Variants in ACSS3 observed in about 807,000 individuals in gnomAD.
The protein encoded by ACSS3 is acyl-CoA synthetase short chain family member 3, also known as acyl-CoA synthetase short-chain family member 3, mitochondrial.
A neutral mutation model predicts 84.2 loss-of-function variants in ACSS3; 64 were observed. The ratio of observed to expected loss-of-function variants is 0.76; its 90% CI spans 0.62 to 0.94. The LOEUF (loss-of-function observed/expected upper bound fraction) is 0.94, where lower values mean the gene tolerates loss of function less well. ACSS3 is among the 40% of genes least tolerant of loss of function. ACSS3 has a pLI of 0.00. For missense variants in ACSS3, 815 were observed against 867.6 expected (o/e 0.94, Z 0.76); for synonymous variants, 317 against 310.1 (o/e 1.02, Z -0.23).
At chr12:81,125,074 C>A (rs1325303337) in intron 2 of ACSS3, among the ~76,000 whole-genome samples, 1 of 152,082 alleles carries the variant, frequency 6.6e-6, no homozygotes, top group Admixed American at 6.6e-5. Flanking sequence ...ATTAGCCGGG[C>A]GTGGTGGTGG....
rs79738944 is a variant in ACSS3, at chr12:81,249,239, A to T, written c.1720-4068A>T. Among the ~76,000 whole-genome samples the T allele has an allele frequency of 1.3e-5, 2 of 152,140 alleles. 1 individual carries two copies. The highest frequency in any genetic ancestry group is 4.8e-5 in the African/African-American group (2 of 41,548). On this transcript the variant is annotated intron_variant, in intron 13 of 15. Coordinates refer to ENST00000548058, the MANE Select transcript of ACSS3 (RefSeq NM_024560.4). ...GCTAAAATTTGCAGAAGCTAATATG[A>T]TTGTTCTTGCTCAGTTCTCTTTGAC...
At chr12:81,108,340 G>A (rs1033816213) in intron 1 of ACSS3, among the ~76,000 whole-genome samples, 20 of 151,572 alleles carry the variant, frequency 1.3e-4, no homozygotes, top group South Asian at 1.0e-3. Context: ...GTGCAGTGGC[G>A]TGATCTTGGC....
chr12:81,098,657 A>G (rs942184078), intron 1 of ACSS3, among the ~76,000 whole-genome samples: 3 of 152,228 alleles, frequency 2.0e-5, no homozygotes, highest in Non-Finnish European at 4.4e-5. Context: ...TAAGGTTTAT[A>G]GATGAAAAAA....
At chr12:81,089,567 T>A (rs1881539639) in intron 1 of ACSS3, among the ~76,000 whole-genome samples, 1 of 151,956 alleles carries the variant, frequency 6.6e-6, no homozygotes, top group Non-Finnish European at 1.5e-5. Flanking sequence ...TTCCTTTGAG[T>A]GTTTATGGGA....
At chr12:81,089,336 T>C (rs1450122640) in intron 1 of ACSS3, among the ~76,000 whole-genome samples, 1 of 151,928 alleles carries the variant, frequency 6.6e-6, no homozygotes, top group African/African-American at 2.4e-5. Context: ...TTCTGCATTT[T>C]CAAGCAGAAG....
At chr12:81,220,222 G>A in intron 11 of ACSS3, 146 bp downstream of exon 11, 1 of 431,820 alleles carries the variant, frequency 2.3e-6, no homozygotes, top group Middle Eastern at 3.8e-4. Context: ...CAGCTGTGTT[G>A]TAATTTAAAC....
In ACSS3 at chr12:81,252,790, G is replaced by C. The variant is rs545919285; in HGVS notation, c.1720-517G>C. On this transcript the variant is annotated intron_variant, in intron 13 of 15. Coordinates refer to ENST00000548058, the MANE Select transcript of ACSS3 (RefSeq NM_024560.4). Reference sequence around the variant, plus strand: ...CATATCCAGCCTCTTGCAAGTCCTGGAAAATCATCTCTGGGTGGGTGGCCA... The same window carrying C: ...CATATCCAGCCTCTTGCAAGTCCTGCAAAATCATCTCTGGGTGGGTGGCCA... 3.5e-4 allele frequency among the ~76,000 whole-genome samples: 54 copies of C among 152,184 alleles called. 1 individual carries two copies. The highest frequency in any genetic ancestry group is 6.8e-3 in the Middle Eastern group (2 of 294).
At chr12:81,114,484 C>T (rs1196934578) in intron 2 of ACSS3, among the ~76,000 whole-genome samples, 2 of 152,046 alleles carry the variant, frequency 1.3e-5, no homozygotes, top group Non-Finnish European at 2.9e-5. Context: ...CTTAAGCAAA[C>T]ACTTAAGACA....
chr12:81,184,707 C>A (rs532727862), intron 8 of ACSS3, among the ~76,000 whole-genome samples: 1 of 151,436 alleles, frequency 6.6e-6, no homozygotes, highest in Admixed American at 6.6e-5. Flanking sequence ...TATAAGCTAC[C>A]AATATTAAGT....
chr12:81,219,818 G>T (rs1046549665), intron 10 of ACSS3, among the ~76,000 whole-genome samples, 195 bp from the exon 11 acceptor site: 2 of 152,104 alleles, frequency 1.3e-5, no homozygotes, highest in Non-Finnish European at 2.9e-5. Context: ...AATTTCTGAT[G>T]TTATTAGGAA....
In ACSS3 at chr12:81,174,832, G is replaced by A. The variant is rs759607208; in HGVS notation, c.1143G>A (p.Val381=). Residue 381 remains valine, a synonymous_variant, in exon 8 of 16, where the codon GTG becomes GTA. Transcript: ENST00000548058. ...CAGATGCTGGCGCTTATTTCCGTGT[G>A]CTTGCAGAGCATGGAGTAGCTGCCT... ...GTPDAGAYFR[V]LAEHGVAALF... The A allele has an allele frequency of 6.2e-7, 1 of 1,613,876 alleles. No individual in the cohort carries two copies. Among genetic ancestry groups the A allele is most frequent in the Non-Finnish European group, 8.5e-7 (1 of 1,179,910 alleles).
chr12:81,104,910 C>T (rs1436220521), intron 1 of ACSS3: 1 of 152,056 alleles, frequency 6.6e-6, no homozygotes, highest in African/African-American at 2.4e-5. Flanking sequence ...GGTACAAGTA[C>T]AGCTTTGTGA....
chr12:81,078,197 C>T lies in ACSS3; in HGVS notation c.77C>T (p.Pro26Leu), dbSNP rs1185886606. ...GLGGPLPGSSPARGAGAALRA... is the reference protein window; with the variant it reads ...GLGGPLPGSSLARGAGAALRA... Reference sequence around the variant, plus strand: ...GGAGGGCCCTTGCCTGGGTCCTCTCCGGCCCGGGGAGCCGGTGCGGCCCTC... The same window carrying T: ...GGAGGGCCCTTGCCTGGGTCCTCTCTGGCCCGGGGAGCCGGTGCGGCCCTC... Residue 26 changes from proline to leucine, a missense_variant, in exon 1 of 16, where the codon CCG becomes CTG. Coordinates refer to ENST00000548058, the MANE Select transcript of ACSS3 (RefSeq NM_024560.4). The T allele has an allele frequency of 4.5e-6, 7 of 1,558,194 alleles. No individual in the cohort carries two copies. The highest frequency in any genetic ancestry group is 1.2e-5 in the South Asian group (1 of 86,948).
rs184211994 is a variant in ACSS3 at position 81,250,676 on chromosome 12, G to A, written c.1720-2631G>A. ...TATGTGGGTGATTTATTTTTTAACAGTGATTTGAACAGATACCTTGGCATT... is the reference window on the plus strand; with the variant it reads ...TATGTGGGTGATTTATTTTTTAACAATGATTTGAACAGATACCTTGGCATT... On this transcript the variant is annotated intron_variant, in intron 13 of 15. Coordinates refer to ENST00000548058, the MANE Select transcript of ACSS3 (RefSeq NM_024560.4). 1.8e-3 allele frequency among the ~76,000 whole-genome samples: 269 copies of A among 152,168 alleles called. 3 individuals carry two copies. In the Middle Eastern group the frequency reaches 0.027, roughly 15 times the overall value.
At chr12:81,179,296 G>GAAAAAAAAAAAAAAAAA (rs1269398997) in intron 8 of ACSS3, among the ~76,000 whole-genome samples, 1 of 115,938 alleles carries the variant, frequency 8.6e-6, no homozygotes, top group African/African-American at 3.4e-5. Context: ...AAAAGAAAAA[G>GAAAAAAAAAAAAAAAAA]AAAAAAAAAA....
chr12:81,115,142 A>C (rs1163444694), intron 2 of ACSS3, among the ~76,000 whole-genome samples: 1 of 152,178 alleles, frequency 6.6e-6, no homozygotes, highest in Non-Finnish European at 1.5e-5. Flanking sequence ...ATATGTTTGT[A>C]CACAAATTTT....
chr12:81,107,511 C>CACACACATAT lies in ACSS3; in HGVS notation c.312-2048_312-2047insCACACATATA, dbSNP rs1403415163. Among the ~76,000 whole-genome samples the CACACACATAT allele has an allele frequency of 1.8e-4, 7 of 38,834 alleles. 1 individual carries two copies. Among genetic ancestry groups the CACACACATAT allele is most frequent in the South Asian group, 1.3e-3 (1 of 782 alleles). 25.5% of individuals were successfully genotyped at this position (38,834 alleles called of 152,430 possible). ...TTTTTTTTTCAGGTACAAATATATACATATATATATATATATATATATATA... is the reference window on the plus strand; with the variant it reads ...TTTTTTTTTCAGGTACAAATATATACACACACATATATATATATATATATATATATATATA... On this transcript the variant is annotated intron_variant, in intron 1 of 15. Coordinates refer to ENST00000548058, the MANE Select transcript of ACSS3 (RefSeq NM_024560.4).
chr12:81,159,869 C>A (rs34239183), intron 7 of ACSS3, among the ~76,000 whole-genome samples: 1,559 of 152,286 alleles, frequency 0.01, 15 homozygotes, highest in Non-Finnish European at 0.016. Context: ...TTCCCTTTAC[C>A]AGACTGTCAT....
rs2034321905 is a variant in ACSS3, at chr12:81,256,947, CTTCA to C, written c.*2028_*2031del. The C allele has an allele frequency of 6.6e-6, 1 of 152,064 alleles. No homozygotes were observed. The highest frequency in any genetic ancestry group is 1.5e-5 in the Non-Finnish European group (1 of 68,018). The allele number at this position is 152,064 out of a possible 1,614,324, so 9.4% of individuals were successfully genotyped here. On this transcript the variant is annotated 3_prime_UTR_variant, in exon 16 of 16. Coordinates refer to ENST00000548058, the MANE Select transcript of ACSS3 (RefSeq NM_024560.4). ...TTTTATCCATTGTCACAACTGTGGTCTTCATTAATAACTCATTTTAATGTCTTAG... is the reference window on the plus strand; with the variant it reads ...TTTTATCCATTGTCACAACTGTGGTCTTAATAACTCATTTTAATGTCTTAG...
Sources: allele counts gnomAD v4.1 joint callset (sites outside exome capture counted in the v4.1 genomes callset), GRCh38; gene constraint gnomAD v4.1.1; transcripts MANE v1.5; gene names NCBI Gene and HGNC (gene_info 2026-07-23, HGNC 2026-07-21).